The following HPGDS variants were observed in gnomAD, a reference collection of about 807,000 sequenced individuals.
HPGDS encodes hematopoietic prostaglandin D synthase, also known as GST class-sigma.
Under a neutral mutation model 23.1 loss-of-function variants are expected in HPGDS, and 26 were observed. That is an observed-to-expected ratio of 1.13 (90% CI 0.83 to 1.56). HPGDS has a LOEUF of 1.56. HPGDS is among the 40% of genes most tolerant of loss of function. HPGDS has a pLI of 0.00. For synonymous variants in HPGDS, 95 were observed against 77.9 expected (o/e 1.22, Z -1.16); for missense variants, 268 against 236.4 (o/e 1.13, Z -0.88).
chr4:94,330,815 A>G (rs1019586060), intron 2 of HPGDS, among the ~76,000 whole-genome samples: 4 of 152,138 alleles, frequency 2.6e-5, no homozygotes, highest in African/African-American at 7.2e-5. Context: ...GTCTCTGAAT[A>G]TTTCTTTTGA....
intron 1 of HPGDS, among the ~76,000 whole-genome samples, chr4:94,342,396 G>A (rs1348396920): frequency 6.6e-6 from 1 of 152,068 alleles, no homozygotes; most frequent in East Asian, 1.9e-4. Flanking sequence ...AAACTTTAAA[G>A]CAAAGGAAAG....
chr4:94,340,833 C>CTTTT (rs769902962), intron 1 of HPGDS, among the ~76,000 whole-genome samples: 1 of 114,476 alleles, frequency 8.7e-6, no homozygotes, highest in African/African-American at 3.5e-5. Context: ...AAATTTTTTT[C>CTTTT]TTTTTTTTTT....
intron 2 of HPGDS, among the ~76,000 whole-genome samples, chr4:94,326,414 TA>T (rs1392051189): frequency 1.3e-5 from 2 of 152,186 alleles, no homozygotes; most frequent in Non-Finnish European, 2.9e-5. Flanking sequence ...TTCATTCTTT[TA>T]TTTTTTTCTT....
At chr4:94,327,399 G>A (rs1360798276) in intron 2 of HPGDS, among the ~76,000 whole-genome samples, 2 of 152,226 alleles carry the variant, frequency 1.3e-5, no homozygotes, top group African/African-American at 4.8e-5. Context: ...AGCAGGCAGG[G>A]CACGTTGATC....
rs1560598070 is a variant in HPGDS at position 94,340,319 on chromosome 4, T to TCTTTTC, written c.-10+2475_-10+2476insGAAAAG. On this transcript the variant is annotated intron_variant, in intron 1 of 5. Coordinates refer to ENST00000295256, the MANE Select transcript of HPGDS (RefSeq NM_014485.3). Reference sequence around the variant, plus strand: ...TTTCTTTCTTTCTTTCTCTTTTTTTTTTTTTTTTTTTTTTTTTTTTTTTTT... The same window carrying TCTTTTC: ...TTTCTTTCTTTCTTTCTCTTTTTTTTCTTTTCTTTTTTTTTTTTTTTTTTTTTTTTT... Among the ~76,000 whole-genome samples the TCTTTTC allele has an allele frequency of 5.8e-3, 95 of 16,344 alleles. 11 individuals are homozygous for TCTTTTC. The highest frequency in any genetic ancestry group is 8.4e-3 in the Non-Finnish European group (74 of 8,758). 10.7% of individuals were successfully genotyped at this position (16,344 alleles called of 152,430 possible).
At chr4:94,321,747 A>C (rs1489296241) in intron 2 of HPGDS, among the ~76,000 whole-genome samples, 2 of 152,010 alleles carry the variant, frequency 1.3e-5, no homozygotes, top group African/African-American at 2.4e-5. Context: ...TAATTGAATA[A>C]CCTTTATTTC....
chr4:94,340,305 CTTTCTCTTTTTTTTTTTTTT>C (rs1721121096), intron 1 of HPGDS, among the ~76,000 whole-genome samples: 5 of 26,198 alleles, frequency 1.9e-4, no homozygotes, highest in African/African-American at 7.3e-4. Flanking sequence ...TTCTTTCTTT[CTTTCTCTTTTTTTTTTTTTT>C]TTTTTTTTTT....
chr4:94,309,944 G>A (rs112835622), intron 3 of HPGDS, among the ~76,000 whole-genome samples: 20,709 of 152,164 alleles, frequency 0.14, 1,738 homozygotes, highest in Non-Finnish European at 0.19. Context: ...AGAAGTGTCT[G>A]TTCATATCTT....
chr4:94,308,514 A>T (rs1196709393), intron 4 of HPGDS, 120 bp downstream of exon 4: 1 of 522,108 alleles, frequency 1.9e-6, no homozygotes, highest in Non-Finnish European at 3.4e-6. Context: ...TTAAAATATA[A>T]TTTGGTATTT....
At chr4:94,321,660 T>G (rs1004036470) in intron 2 of HPGDS, among the ~76,000 whole-genome samples, 12 of 152,222 alleles carry the variant, frequency 7.9e-5, no homozygotes, top group African/African-American at 2.9e-4. Context: ...AAGGAGATTT[T>G]GGGCTGAGAT....
At chr4:94,324,783 A>T (rs1427377236) in intron 2 of HPGDS, among the ~76,000 whole-genome samples, 1 of 152,166 alleles carries the variant, frequency 6.6e-6, no homozygotes, top group African/African-American at 2.4e-5. Context: ...GTCATTCTCC[A>T]TCCAGCTTGT....
At chr4:94,300,801 C>T (rs1023646903) in intron 5 of HPGDS, among the ~76,000 whole-genome samples, 1 of 152,000 alleles carries the variant, frequency 6.6e-6, no homozygotes, top group Non-Finnish European at 1.5e-5. Context: ...CACGTAAGCC[C>T]AGGCTTAAAT....
chr4:94,303,466 A>G (rs1472005774), intron 4 of HPGDS, among the ~76,000 whole-genome samples: 1 of 152,158 alleles, frequency 6.6e-6, no homozygotes, highest in Admixed American at 6.5e-5. Flanking sequence ...GATACTCAAC[A>G]TGTACTTACA....
chr4:94,330,449 C>T (rs1217403959), intron 2 of HPGDS, among the ~76,000 whole-genome samples: 4 of 151,982 alleles, frequency 2.6e-5, no homozygotes, highest in African/African-American at 7.2e-5. Flanking sequence ...TTTTCCATGA[C>T]GTCTTTAAAG....
At chr4:94,316,556 A>G (rs1027753872) in intron 3 of HPGDS, among the ~76,000 whole-genome samples, 1 of 148,728 alleles carries the variant, frequency 6.7e-6, no homozygotes, top group Non-Finnish European at 1.5e-5. Context: ...TTGCATAAGA[A>G]AAAAAGTCCA....
intron 3 of HPGDS, among the ~76,000 whole-genome samples, chr4:94,315,453 G>A (rs1303901908): frequency 1.3e-5 from 2 of 152,020 alleles, no homozygotes; most frequent in African/African-American, 4.8e-5. Flanking sequence ...TTTGTTTTCT[G>A]ACTGGAGACT....
intron 1 of HPGDS, among the ~76,000 whole-genome samples, chr4:94,342,172 G>A (rs1167019247): frequency 6.7e-6 from 1 of 150,204 alleles, no homozygotes; most frequent in Non-Finnish European, 1.5e-5. Context: ...TCAACTAAAT[G>A]TCATTTTAAG....
intron 2 of HPGDS, among the ~76,000 whole-genome samples, chr4:94,322,747 TG>T (rs202011840): frequency 0.025 from 3,760 of 152,298 alleles, 102 homozygotes; most frequent in African/African-American, 0.074. Flanking sequence ...AAGGGTTTTT[TG>T]TATCTCTGTC....
At chr4:94,340,966 C>G (rs1385789551) in intron 1 of HPGDS, among the ~76,000 whole-genome samples, 1 of 151,322 alleles carries the variant, frequency 6.6e-6, no homozygotes, top group Non-Finnish European at 1.5e-5. Flanking sequence ...CTGCCTCAGC[C>G]TCCCCAGTAG....
Sources: allele counts gnomAD v4.1 joint callset (sites outside exome capture counted in the v4.1 genomes callset), GRCh38; gene constraint gnomAD v4.1.1; transcripts MANE v1.5; gene names NCBI Gene and HGNC (gene_info 2026-07-23, HGNC 2026-07-21).